The following AAMDC variants were observed in gnomAD, a reference collection of about 807,000 sequenced individuals.
AAMDC encodes the protein mth938 domain-containing protein.
In AAMDC, 16 loss-of-function variants were observed where a neutral mutation model predicts 15.5. The observed-to-expected ratio is 1.03, with a 90% CI of 0.70 to 1.57. The LOEUF is 1.57. Among genes scored for constraint, AAMDC ranks in the 40% most tolerant of loss-of-function variants. The pLI is 0.00. For missense variants in AAMDC, 141 were observed against 144.9 expected, an observed-to-expected ratio of 0.97 and a Z score of 0.14; for synonymous variants, 51 against 51.6, an observed-to-expected ratio of 0.99 and a Z score of 0.05.
intron 2 of AAMDC, among the ~76,000 whole-genome samples, chr11:77,859,804 T>C (rs1485376514): frequency 7.9e-5 from 12 of 152,342 alleles, no homozygotes; most frequent in Admixed American, 5.9e-4. Context: ...CTGGAAGAAA[T>C]GTGGCTGGGT....
At position 77,868,505 on chromosome 11, in the gene AAMDC, C is replaced by T. The variant is rs191650123; in HGVS notation, c.133-1217C>T. Among the ~76,000 whole-genome samples, 47 of 151,690 alleles carry T rather than the reference C, an allele frequency of 3.1e-4. 1 individual carries two copies. The highest frequency in any genetic ancestry group is 2.8e-3 in the Admixed American group (43 of 15,202). On this transcript the variant is annotated intron_variant, in intron 2 of 3. Transcript: ENST00000393427. ...TCCCGAATAGCTGGGACTACAGGCA[C>T]GCGCCACCACACCCAGCTAATTTTT...
chr11:77,878,206 C>CA (rs1450010627), intron 5 of AAMDC, among the ~76,000 whole-genome samples: 2 of 151,854 alleles, frequency 1.3e-5, no homozygotes, highest in African/African-American at 2.4e-5. Flanking sequence ...ACTAAAAATA[C>CA]AAAAAATTAG....
intron 5 of AAMDC, among the ~76,000 whole-genome samples, chr11:77,880,031 A>G (rs543833641): frequency 6.6e-6 from 1 of 152,338 alleles, no homozygotes; most frequent in South Asian, 2.1e-4. Context: ...GCAGTTACTC[A>G]TTCTATTAAC....
At chr11:77,824,657 G>A (rs1249353169) in intron 1 of AAMDC, among the ~76,000 whole-genome samples, 2 of 152,136 alleles carry the variant, frequency 1.3e-5, no homozygotes, top group African/African-American at 2.4e-5. Context: ...TCAATATGAA[G>A]GTCAAAACTA....
chr11:77,904,005 T>A (rs370541860), downstream of AAMDC, among the ~76,000 whole-genome samples: 12 of 152,354 alleles, frequency 7.9e-5, no homozygotes, highest in South Asian at 8.3e-4. Flanking sequence ...TTAACTGTGG[T>A]TCTTTTTTCT....
intron 2 of AAMDC, among the ~76,000 whole-genome samples, chr11:77,855,067 C>G (rs2136215041): frequency 6.6e-6 from 1 of 152,274 alleles, no homozygotes; most frequent in Middle Eastern, 3.4e-3. Context: ...TTAACCATAG[C>G]TAGAGCTGGA....
intron 5 of AAMDC, chr11:77,879,273 C>T: frequency 1.2e-6 from 1 of 820,972 alleles, no homozygotes; most frequent in Non-Finnish European, 1.9e-6. Flanking sequence ...CCTCACCAAA[C>T]AAAACACTGA....
intron 5 of AAMDC, among the ~76,000 whole-genome samples, chr11:77,893,032 G>C (rs1226543164): frequency 6.6e-6 from 1 of 152,162 alleles, no homozygotes; most frequent in African/African-American, 2.4e-5. Context: ...CAGGTTTGGT[G>C]AACTTCATGA....
At chr11:77,839,063 C>A (rs1181583835) in intron 1 of AAMDC, among the ~76,000 whole-genome samples, 1 of 152,144 alleles carries the variant, frequency 6.6e-6, no homozygotes, top group Non-Finnish European at 1.5e-5. Context: ...TTCCCTTATA[C>A]TACTTTCTTT....
chr11:77,823,613 CCCTGT>C (rs71865681), intron 1 of AAMDC, among the ~76,000 whole-genome samples: 19,547 of 129,964 alleles, frequency 0.15, 1,813 homozygotes, highest in African/African-American at 0.23. Context: ...CAGAACTACA[CCCTGT>C]CTCAAAAAAA....
chr11:77,904,957 C>G (rs1466352319), downstream of AAMDC, among the ~76,000 whole-genome samples: 1 of 152,034 alleles, frequency 6.6e-6, no homozygotes, highest in Non-Finnish European at 1.5e-5. Context: ...ACTTGTGGAC[C>G]TAATTTTAGA....
intron 5 of AAMDC, among the ~76,000 whole-genome samples, chr11:77,888,161 T>C (rs1000404813): frequency 3.3e-5 from 5 of 152,252 alleles, no homozygotes; most frequent in Non-Finnish European, 7.3e-5. Context: ...TCATGCTACC[T>C]GACTTCAAAC....
chr11:77,832,997 G>GTATA (rs1208174301), intron 1 of AAMDC, among the ~76,000 whole-genome samples: 3 of 76,198 alleles, frequency 3.9e-5, no homozygotes, highest in African/African-American at 1.6e-4. Context: ...GTGTGTGTGT[G>GTATA]TATATATATA....
chr11:77,895,614 T>G (rs1385139237), intron 5 of AAMDC, among the ~76,000 whole-genome samples: 1 of 146,048 alleles, frequency 6.8e-6, no homozygotes, highest in African/African-American at 2.5e-5. Flanking sequence ...TGAAATTTCA[T>G]AGTGAGGTTA....
At chr11:77,874,901 G>A (rs2136331300), downstream of AAMDC, among the ~76,000 whole-genome samples, 1 of 152,284 alleles carries the variant, frequency 6.6e-6, no homozygotes, top group South Asian at 2.1e-4. Context: ...GCCAGGCGTG[G>A]TGGCACGTGC....
chr11:77,875,755 T>C (rs1951577428), downstream of AAMDC, among the ~76,000 whole-genome samples: 1 of 152,150 alleles, frequency 6.6e-6, no homozygotes, highest in South Asian at 2.1e-4. Context: ...GACACAGATA[T>C]GTCCTAGAAC....
rs1204398208 is a variant in AAMDC at position 77,880,672 on chromosome 11, T to C, written c.328+3623T>C. 2.0e-5 allele frequency among the ~76,000 whole-genome samples: 3 copies of C among 152,290 alleles called. No individual in the cohort carries two copies. In the East Asian group the frequency reaches 5.8e-4, roughly 29 times the overall value. On this transcript the variant is annotated intron_variant, in intron 5 of 5. Transcript: ENST00000304716. ...ATAGCACTTTCAAGAAGCCAAATCC[T>C]GGTAAGAGCTGGATAAGGCTCAAGC...
intron 2 of AAMDC, among the ~76,000 whole-genome samples, chr11:77,862,323 A>G (rs555823228): frequency 1.3e-5 from 2 of 152,230 alleles, no homozygotes; most frequent in Non-Finnish European, 2.9e-5. Context: ...ATTTAGCAGT[A>G]ACATTATATC....
chr11:77,893,472 G>A (rs187643897), intron 5 of AAMDC, among the ~76,000 whole-genome samples: 126 of 152,284 alleles, frequency 8.3e-4, no homozygotes, highest in African/African-American at 2.8e-3. Flanking sequence ...ATCCAGGCAT[G>A]GTGGCACATG....
Sources: allele counts gnomAD v4.1 joint callset (sites outside exome capture counted in the v4.1 genomes callset), GRCh38; gene constraint gnomAD v4.1.1; transcripts MANE v1.5; gene names NCBI Gene and HGNC (gene_info 2026-07-23, HGNC 2026-07-21).